Variants in AFF3 observed in about 807,000 individuals in gnomAD.
AFF3 encodes AF4/FMR2 family member 3.
In AFF3, 32 loss-of-function variants were observed where a neutral mutation model predicts 129.7. The observed-to-expected ratio is 0.25, with a 90% CI of 0.19 to 0.33. AFF3 has a LOEUF of 0.33. AFF3 is among the 10% of genes least tolerant of loss of function. AFF3 has a pLI of 1.00. For synonymous variants in AFF3, 644 were observed against 635.4 expected (o/e 1.01, Z -0.20); for missense variants, 1,373 against 1,592.0 (o/e 0.86, Z 2.34).
At chr2:99,792,908 A>T (rs1685298440) in intron 8 of AFF3, among the ~76,000 whole-genome samples, 2 of 152,114 alleles carry the variant, frequency 1.3e-5, no homozygotes, top group African/African-American at 4.8e-5. Flanking sequence ...TATCTGGGAC[A>T]TGTTTCCTCC....
rs1335937302 is a variant in AFF3, at chr2:100,098,358, A to G, written c.53+6044T>C. On this transcript the variant is annotated intron_variant, in intron 4 of 24. Transcript: ENST00000672756. Reference sequence around the variant, plus strand: ...TTTATGGGGCCTCGATTTTGCCACCAAGGCTTTATTCCCAAAAATTAAAAT... The same window carrying G: ...TTTATGGGGCCTCGATTTTGCCACCGAGGCTTTATTCCCAAAAATTAAAAT... Among the ~76,000 whole-genome samples the G allele has an allele frequency of 5.3e-5, 8 of 152,310 alleles. No homozygotes were observed. The East Asian group carries it at 1.4e-3, about 26-fold the overall frequency.
rs1576180756 is a variant in AFF3, at chr2:99,849,621, CTGATCAGTATATAAA to C, written c.874-12112_874-12098del. ...TTACAAGGTGCCTACTACACAACAG[CTGATCAGTATATAAA>C]TACGATTATTTTATTTTAGAATTAC... On this transcript the variant is annotated intron_variant, in intron 7 of 24. Transcript: ENST00000672756. 2.4e-4 allele frequency among the ~76,000 whole-genome samples: 37 copies of C among 152,220 alleles called. 1 individual carries two copies. In the East Asian group the frequency reaches 7.1e-3, roughly 29 times the overall value.
At chr2:100,106,799 G>C (rs937640950) in intron 2 of AFF3, 1 of 985,398 alleles carries the variant, frequency 1.0e-6, no homozygotes, top group African/African-American at 1.7e-5. Flanking sequence ...CGAGTCCCAT[G>C]CTGGGCCTGG....
rs184103671 is a variant in AFF3, at chr2:100,114,087, C to T, written c.-144-8504G>A. The stretch of plus-strand genomic sequence containing the variant: ...AGCTAGTGAACACCCAGCTGCCAAA[C>T]CCAGGGGAACAACTGAGAGTTGAAA... On this transcript the variant is annotated intron_variant, in intron 2 of 24. Transcript: ENST00000672756. Among the ~76,000 whole-genome samples, 232 of 152,246 alleles carry T rather than the reference C, an allele frequency of 1.5e-3. 2 individuals carry two copies. Among genetic ancestry groups the T allele is most frequent in the African/African-American group, 4.8e-3 (198 of 41,534 alleles).
At chr2:100,136,454 C>G (rs964238142) in intron 1 of AFF3, among the ~76,000 whole-genome samples, 2 of 152,180 alleles carry the variant, frequency 1.3e-5, no homozygotes, top group Admixed American at 1.3e-4. Flanking sequence ...GTCAAATCAG[C>G]TGAAGAATCA....
intron 10 of AFF3, among the ~76,000 whole-genome samples, chr2:99,730,940 G>A (rs1018980165): frequency 6.6e-6 from 1 of 152,034 alleles, no homozygotes; most frequent in African/African-American, 2.4e-5. Flanking sequence ...GCCCTTCAAT[G>A]ATTAGTCTAA....
intron 4 of AFF3, among the ~76,000 whole-genome samples, chr2:100,051,302 C>A (rs1045494829): frequency 6.6e-6 from 1 of 152,124 alleles, no homozygotes; most frequent in Non-Finnish European, 1.5e-5. Flanking sequence ...CTGGAGAATA[C>A]GAGCTGAGCC....
intron 8 of AFF3, among the ~76,000 whole-genome samples, chr2:99,819,981 G>A (rs978922766): frequency 6.6e-6 from 1 of 152,214 alleles, no homozygotes; most frequent in Admixed American, 6.5e-5. Flanking sequence ...TCCATGGAAG[G>A]CAGCACAGCA....
chr2:99,591,832 C>T (rs911540656), intron 15 of AFF3, among the ~76,000 whole-genome samples: 2 of 152,208 alleles, frequency 1.3e-5, no homozygotes, highest in Admixed American at 6.5e-5. Context: ...CCTATGTAAC[C>T]TTGGGCAAGT....
At chr2:99,617,438 G>T (rs578124385) in intron 13 of AFF3, among the ~76,000 whole-genome samples, 2 of 152,262 alleles carry the variant, frequency 1.3e-5, no homozygotes, top group South Asian at 4.1e-4. Flanking sequence ...GTGCTTGTTA[G>T]CCATTTGCAT....
intron 8 of AFF3, among the ~76,000 whole-genome samples, chr2:99,787,209 C>T (rs546542888): frequency 1.3e-5 from 2 of 152,164 alleles, no homozygotes; most frequent in African/African-American, 4.8e-5. Flanking sequence ...TCACTCCAAC[C>T]GAAGCCAGAA....
chr2:99,841,587 C>T (rs1433823841), intron 7 of AFF3, among the ~76,000 whole-genome samples: 1 of 152,154 alleles, frequency 6.6e-6, no homozygotes, highest in Non-Finnish European at 1.5e-5. Flanking sequence ...AGAAGAGTAC[C>T]ACATTGGTTT....
intron 8 of AFF3, among the ~76,000 whole-genome samples, chr2:99,786,986 T>C (rs916009007): frequency 1.9e-4 from 29 of 152,172 alleles, no homozygotes; most frequent in African/African-American, 7.0e-4. Context: ...GATCGGTACT[T>C]GAGGGCATCA....
chr2:99,959,827 T>TC (rs2104308818), intron 7 of AFF3, among the ~76,000 whole-genome samples: 1 of 151,730 alleles, frequency 6.6e-6, no homozygotes, highest in African/African-American at 2.4e-5. Context: ...CACAATATGT[T>TC]CCCCATTTTA....
intron 12 of AFF3, among the ~76,000 whole-genome samples, chr2:99,654,719 G>A (rs942050606): frequency 1.3e-5 from 2 of 152,158 alleles, no homozygotes; most frequent in Admixed American, 1.3e-4. Flanking sequence ...TATTCATTAC[G>A]AATGATTCTA....
At chr2:99,771,927 G>A (rs891863984) in intron 8 of AFF3, among the ~76,000 whole-genome samples, 4 of 152,112 alleles carry the variant, frequency 2.6e-5, no homozygotes, top group African/African-American at 9.7e-5. Flanking sequence ...TAGCTAATTG[G>A]GGTTTTCTGA....
intron 8 of AFF3, among the ~76,000 whole-genome samples, chr2:99,825,980 A>G (rs1238555704): frequency 6.6e-6 from 1 of 152,116 alleles, no homozygotes; most frequent in Non-Finnish European, 1.5e-5. Flanking sequence ...AAAATCATTC[A>G]TTCATTATTC....
chr2:99,848,697 C>T (rs538817733), intron 7 of AFF3, among the ~76,000 whole-genome samples: 1 of 152,216 alleles, frequency 6.6e-6, no homozygotes, highest in South Asian at 2.1e-4. Flanking sequence ...CAAATTAAGT[C>T]AGTAAGTATA....
intron 11 of AFF3, among the ~76,000 whole-genome samples, chr2:99,703,647 T>C (rs79384724): frequency 6.0e-5 from 8 of 133,870 alleles, no homozygotes; most frequent in African/African-American, 1.9e-4. Context: ...ATTTCTCTCT[T>C]TTTTTTTTTC....
Sources: allele counts gnomAD v4.1 joint callset (sites outside exome capture counted in the v4.1 genomes callset), GRCh38; gene constraint gnomAD v4.1.1; transcripts MANE v1.5; gene names NCBI Gene and HGNC (gene_info 2026-07-23, HGNC 2026-07-21).